ARHGAP26: variants seen among roughly 807,000 people sequenced by gnomAD.
ARHGAP26 encodes Rho GTPase activating protein 26.
ARHGAP26 carries 38 observed loss-of-function variants against 104.8 expected under a neutral mutation model. That is an observed-to-expected ratio of 0.36 (90% CI 0.28 to 0.48). The LOEUF (loss-of-function observed/expected upper bound fraction) is 0.48, where lower values mean the gene tolerates loss of function less well. Ranked by LOEUF, ARHGAP26 falls within the 20% of genes least tolerant of loss-of-function variation. The pLI is 0.99. For synonymous variants in ARHGAP26, 341 were observed against 340.0 expected, an observed-to-expected ratio of 1.00 and a Z score of -0.03; for missense variants, 704 against 947.9, an observed-to-expected ratio of 0.74 and a Z score of 3.38.
intron 20 of ARHGAP26, among the ~76,000 whole-genome samples, chr5:143,201,331 A>G (rs916192141): frequency 6.6e-6 from 1 of 152,246 alleles, no homozygotes; most frequent in African/African-American, 2.4e-5. Context: ...GAATGCCTTT[A>G]GCAGTCATCT....
chr5:143,102,253 C>G (rs758140695), intron 17 of ARHGAP26, among the ~76,000 whole-genome samples: 3 of 152,286 alleles, frequency 2.0e-5, no homozygotes, highest in Non-Finnish European at 2.9e-5. Context: ...TTCCTGCCTT[C>G]CAGGCCTGGG....
intron 1 of ARHGAP26, among the ~76,000 whole-genome samples, chr5:142,853,692 G>T (rs567307371): frequency 6.6e-6 from 1 of 152,180 alleles, no homozygotes; most frequent in Non-Finnish European, 1.5e-5. Context: ...ACAAATCGTT[G>T]TCTATCATGA....
At chr5:142,822,183 T>G (rs1302793663) in intron 1 of ARHGAP26, among the ~76,000 whole-genome samples, 2 of 152,142 alleles carry the variant, frequency 1.3e-5, no homozygotes, top group Admixed American at 6.5e-5. Context: ...TCACTCTCCA[T>G]CTTTCTATCA....
intron 3 of ARHGAP26, among the ~76,000 whole-genome samples, chr5:142,875,451 T>G (rs1306172494): frequency 6.6e-6 from 1 of 152,154 alleles, no homozygotes; most frequent in Non-Finnish European, 1.5e-5. Context: ...ATCTTTTGAA[T>G]TATTTCACTT....
intron 11 of ARHGAP26, among the ~76,000 whole-genome samples, chr5:142,951,798 G>A (rs559645103): frequency 3.3e-5 from 5 of 152,290 alleles, no homozygotes; most frequent in Admixed American, 2.0e-4. Context: ...GACCACGAGC[G>A]GAATACCTGA....
rs1806884820 is a variant in ARHGAP26 at position 143,196,689 on chromosome 5, T to G, written c.1989-10509T>G. Among the ~76,000 whole-genome samples the G allele has an allele frequency of 2.0e-5, 3 of 152,210 alleles. No individual in the cohort carries two copies. In the South Asian group the frequency reaches 6.2e-4, roughly 31 times the overall value. On this transcript the variant is annotated intron_variant, in intron 20 of 22. Coordinates refer to ENST00000645722, the MANE Select transcript of ARHGAP26 (RefSeq NM_001135608.3). ...TCAGCTGTATGCTTAGGGGCCATTT[T>G]AAATGGCAAAATCACCATTGAAGAG...
Position 143,205,841 on chromosome 5 carries a change from A to G in ARHGAP26, c.1989-1357A>G, listed in dbSNP as rs147834311. Reference sequence around the variant, plus strand: ...AATTTACTCAGTAATGATTTGTTAAATATAGTACCTACAGACACTGGATAT... The same window carrying G: ...AATTTACTCAGTAATGATTTGTTAAGTATAGTACCTACAGACACTGGATAT... On this transcript the variant is annotated intron_variant, in intron 20 of 22. Transcript: ENST00000645722. Among the ~76,000 whole-genome samples, 515 of 152,344 alleles carry G rather than the reference A, an allele frequency of 3.4e-3. 2 individuals carry two copies. Among genetic ancestry groups the G allele is most frequent in the African/African-American group, 0.012 (502 of 41,572 alleles).
At chr5:143,161,838 A>G (rs533256359) in intron 20 of ARHGAP26, among the ~76,000 whole-genome samples, 8 of 152,230 alleles carry the variant, frequency 5.3e-5, no homozygotes, top group Non-Finnish European at 8.8e-5. Context: ...TGAGATAGAA[A>G]TCATTCTGGG....
chr5:143,058,603 C>G lies in ARHGAP26; in HGVS notation c.1538+856C>G, dbSNP rs116232609. Among the ~76,000 whole-genome samples the G allele has an allele frequency of 4.9e-3, 754 of 152,352 alleles. 6 individuals carry two copies. The highest frequency in any genetic ancestry group is 0.017 in the African/African-American group (703 of 41,578). Reference sequence around the variant, plus strand: ...AACAGTTAACCTAAATTATTAAACCCTACATTCTATTGAACTGATGTGTTA... The same window carrying G: ...AACAGTTAACCTAAATTATTAAACCGTACATTCTATTGAACTGATGTGTTA... On this transcript the variant is annotated intron_variant, in intron 17 of 22. Coordinates refer to ENST00000645722, the MANE Select transcript of ARHGAP26 (RefSeq NM_001135608.3).
intron 1 of ARHGAP26, among the ~76,000 whole-genome samples, chr5:142,775,869 G>A (rs1613212): frequency 0.31 from 47,043 of 152,068 alleles, 13,426 homozygotes; most frequent in African/African-American, 0.75. Context: ...GCTGTCATTA[G>A]GAAAGACTAT....
chr5:143,188,632 T>C (rs1021491000), intron 20 of ARHGAP26, among the ~76,000 whole-genome samples: 1 of 152,104 alleles, frequency 6.6e-6, no homozygotes. Flanking sequence ...GGGGATGACA[T>C]TGTGGAAAGT....
chr5:143,100,912 G>A (rs755101189), intron 17 of ARHGAP26, among the ~76,000 whole-genome samples: 4 of 152,166 alleles, frequency 2.6e-5, no homozygotes, highest in Non-Finnish European at 4.4e-5. Flanking sequence ...CCAACATGGC[G>A]AAACCCTGTC....
chr5:143,228,782 A>G lies in ARHGAP26; in HGVS notation c.*6336A>G, dbSNP rs1811852878. ...AATCCAATGCTGTAATTAGAAAGTAATCTGTGACTAGAATAGACCTTTGTC... is the reference window on the plus strand; with the variant it reads ...AATCCAATGCTGTAATTAGAAAGTAGTCTGTGACTAGAATAGACCTTTGTC... On this transcript the variant is annotated 3_prime_UTR_variant, in exon 23 of 23. Transcript: ENST00000645722. The G allele has an allele frequency of 5.1e-6, 1 of 196,986 alleles. No homozygotes were observed. 12.2% of individuals were successfully genotyped at this position (196,986 alleles called of 1,614,324 possible).
intron 17 of ARHGAP26, among the ~76,000 whole-genome samples, chr5:143,085,369 G>A (rs1790437081): frequency 2.6e-5 from 4 of 152,088 alleles, no homozygotes; most frequent in Admixed American, 6.6e-5. Flanking sequence ...TTGGGGATAG[G>A]GGAGGTGGGT....
At chr5:142,993,563 C>T (rs908784109) in intron 11 of ARHGAP26, among the ~76,000 whole-genome samples, 6 of 152,210 alleles carry the variant, frequency 3.9e-5, no homozygotes, top group Non-Finnish European at 8.8e-5. Flanking sequence ...CCTTGGCTTC[C>T]CAAAGTGCTG....
At chr5:143,174,911 G>A (rs1803265318) in intron 20 of ARHGAP26, among the ~76,000 whole-genome samples, 1 of 152,186 alleles carries the variant, frequency 6.6e-6, no homozygotes, top group South Asian at 2.1e-4. Flanking sequence ...AAGTACACAT[G>A]GGCAGGTTCT....
chr5:142,838,621 T>C (rs983637397), intron 1 of ARHGAP26, among the ~76,000 whole-genome samples: 2 of 152,216 alleles, frequency 1.3e-5, no homozygotes, highest in Non-Finnish European at 2.9e-5. Context: ...TTAAAAATAA[T>C]TAAATGAATT....
At chr5:142,827,103 GT>G (rs79156081) in intron 1 of ARHGAP26, among the ~76,000 whole-genome samples, 14 of 144,482 alleles carry the variant, frequency 9.7e-5, no homozygotes, top group Admixed American at 2.1e-4. Flanking sequence ...CTGAGCTTCT[GT>G]TTTTTTTTTT....
At chr5:143,110,126 T>A (rs1196596550) in intron 17 of ARHGAP26, among the ~76,000 whole-genome samples, 2 of 152,252 alleles carry the variant, frequency 1.3e-5, no homozygotes, top group African/African-American at 4.8e-5. Context: ...CTCCATGAGA[T>A]GTCCTTGACC....
Sources: gnomAD v4.1 joint callset for allele counts (sites outside exome capture counted in the v4.1 genomes callset) on GRCh38, gnomAD v4.1.1 for gene constraint, MANE v1.5 for transcripts, NCBI Gene and HGNC (gene_info 2026-07-23, HGNC 2026-07-21) for gene names.